Variants in TCF7L1 observed in about 807,000 individuals in gnomAD.
The protein encoded by TCF7L1 is transcription factor 7 like 1.
In TCF7L1, 18 loss-of-function variants were observed where a neutral mutation model predicts 63.7. That is an observed-to-expected ratio of 0.28 (90% CI 0.20 to 0.42). The LOEUF is 0.42. Among genes scored for constraint, TCF7L1 ranks in the 10% least tolerant of loss-of-function variants. The probability of loss-of-function intolerance (pLI) is 1.00; values close to 1 mark genes in which losing one functional copy is unlikely to be tolerated. For missense variants in TCF7L1, 654 were observed against 779.3 expected (o/e 0.84, Z 1.91); for synonymous variants, 355 against 340.9 (o/e 1.04, Z -0.46).
At chr2:85,289,124 C>T (rs367576207) in intron 4 of TCF7L1, among the ~76,000 whole-genome samples, 1 of 152,070 alleles carries the variant, frequency 6.6e-6, no homozygotes, top group Admixed American at 6.6e-5. Context: ...GTAATGCATG[C>T]ACTGTGTAGA....
chr2:85,275,543 A>G (rs1029541571), intron 3 of TCF7L1, among the ~76,000 whole-genome samples: 1 of 152,222 alleles, frequency 6.6e-6, no homozygotes, highest in Non-Finnish European at 1.5e-5. Flanking sequence ...CCCCTCTGCT[A>G]CCAGTGCATG....
intron 11 of TCF7L1, among the ~76,000 whole-genome samples, 198 bp from the exon 12 acceptor site, chr2:85,308,831 G>A (rs962586157): frequency 2.0e-5 from 3 of 152,118 alleles, no homozygotes; most frequent in Admixed American, 1.3e-4. Context: ...ATCTTCATCA[G>A]TTTGGGCGTT....
At chr2:85,212,908 G>A (rs1382030332) in intron 3 of TCF7L1, among the ~76,000 whole-genome samples, 4 of 152,110 alleles carry the variant, frequency 2.6e-5, no homozygotes, top group Non-Finnish European at 5.9e-5. Context: ...GTGTCATTAC[G>A]GGATTGGGAA....
chr2:85,159,223 T>G lies in TCF7L1; in HGVS notation c.441+24773T>G, dbSNP rs1349258610. Among the ~76,000 whole-genome samples, 3 of 152,084 alleles carry G rather than the reference T, an allele frequency of 2.0e-5. 1 individual carries two copies. The East Asian group carries it at 5.8e-4, about 29-fold the overall frequency. On this transcript the variant is annotated intron_variant, in intron 3 of 11. Coordinates refer to ENST00000282111, the MANE Select transcript of TCF7L1 (RefSeq NM_031283.3). ...CAGTGTCTGCGGCTTCTTCCCAGCC[T>G]TTTAGGCCTTTCCTAGGGTTTACAG...
intron 3 of TCF7L1, among the ~76,000 whole-genome samples, chr2:85,252,101 G>A (rs72840019): frequency 2.0e-5 from 3 of 152,040 alleles, no homozygotes; most frequent in Non-Finnish European, 2.9e-5. Context: ...CACTCCAGAT[G>A]CTTCTCTGCT....
chr2:85,291,741 A>C (rs937587719), intron 4 of TCF7L1, among the ~76,000 whole-genome samples: 2 of 151,878 alleles, frequency 1.3e-5, no homozygotes, highest in Non-Finnish European at 2.9e-5. Context: ...GAGAGACAGG[A>C]TCTCACTCTG....
At chr2:85,162,148 T>C (rs1314239819) in intron 3 of TCF7L1, among the ~76,000 whole-genome samples, 1 of 151,566 alleles carries the variant, frequency 6.6e-6, no homozygotes, top group African/African-American at 2.4e-5. Flanking sequence ...GGCAGGAGGG[T>C]TGCTTGAGCC....
chr2:85,133,835 C>G lies in TCF7L1; in HGVS notation c.151C>G (p.Pro51Ala). Residue 51 changes from proline to alanine, a missense_variant, in exon 1 of 12, where the codon CCG (proline) becomes GCG (alanine). By Grantham distance (27) the Pro-to-Ala change is conservative (BLOSUM62 -1). Around this residue, in one of 3 missense-constraint regions of TCF7L1, gnomAD observed 404 missense variants for 454.8 expected, o/e 0.89. Coordinates refer to ENST00000282111, the MANE Select transcript of TCF7L1 (RefSeq NM_031283.3). This position sits in a 1 kb window ranked among gnomAD's most constrained non-coding sequence, Gnocchi z 4.4. ...FQDEGGEEQE[P>A]SSDSASAQRD... ...GGACGAGGGGGGCGAGGAGCAGGAG[C>G]CGAGCAGCGATAGCGCCTCGGCGCA... 7 of 1,501,564 alleles carry G rather than the reference C, an allele frequency of 4.7e-6. No individual in the cohort carries two copies. Among genetic ancestry groups the G allele is most frequent in the Non-Finnish European group, 6.2e-6 (7 of 1,124,680 alleles). The allele number at this position is 1,501,564 out of a possible 1,614,324, so 93.0% of individuals were successfully genotyped here. A position where few individuals can be genotyped will look rare whatever the true frequency, so the allele number is the denominator to read the frequency against.
chr2:85,207,916 T>TG (rs1429359760), intron 3 of TCF7L1, among the ~76,000 whole-genome samples: 1 of 151,768 alleles, frequency 6.6e-6, no homozygotes, highest in Non-Finnish European at 1.5e-5. Flanking sequence ...GCATTTTTTT[T>TG]GGGGGGCGGG....
At chr2:85,280,271 ATGT>A (rs949995930) in intron 3 of TCF7L1, among the ~76,000 whole-genome samples, 3 of 152,152 alleles carry the variant, frequency 2.0e-5, no homozygotes, top group Non-Finnish European at 4.4e-5. Context: ...GAGGCCAAAG[ATGT>A]TGTTAAACTT....
chr2:85,197,438 A>G (rs1049546430), intron 3 of TCF7L1, among the ~76,000 whole-genome samples: 11 of 152,162 alleles, frequency 7.2e-5, no homozygotes, highest in African/African-American at 2.7e-4. Context: ...GGGTGGCACA[A>G]ATAGGCAGAA....
chr2:85,161,831 G>T (rs1326456478), intron 3 of TCF7L1, among the ~76,000 whole-genome samples: 1 of 152,172 alleles, frequency 6.6e-6, no homozygotes, highest in East Asian at 1.9e-4. Context: ...TGGAAGCAGG[G>T]CTGGGCGTGG....
chr2:85,178,055 G>A lies in TCF7L1; in HGVS notation c.441+43605G>A, dbSNP rs542427376. Among the ~76,000 whole-genome samples, 21 of 152,264 alleles carry A rather than the reference G, an allele frequency of 1.4e-4. No homozygotes were observed. In the South Asian group the frequency reaches 4.1e-3, roughly 30 times the overall value. ...AGCAGATCAGTGAAGACAGGAGCAG[G>A]GCCCCCGAGCCCTGAGAAAAAGCAG... On this transcript the variant is annotated intron_variant, in intron 3 of 11. Coordinates refer to ENST00000282111, the MANE Select transcript of TCF7L1 (RefSeq NM_031283.3).
chr2:85,244,399 G>C (rs1167379187), intron 3 of TCF7L1, among the ~76,000 whole-genome samples: 1 of 152,190 alleles, frequency 6.6e-6, no homozygotes, highest in Non-Finnish European at 1.5e-5. Context: ...ACAAGTTGTT[G>C]GGCCAGTGGG....
rs772409296 is a variant in TCF7L1, at chr2:85,307,721, C to T, written c.1333+4C>T. The T allele has an allele frequency of 7.4e-6, 12 of 1,612,516 alleles. No individual in the cohort carries two copies. The highest frequency in any genetic ancestry group is 5.5e-5 in the South Asian group (5 of 91,034). ...CAGCAAGTCCAGGAGGCAGAGGGTG[C>T]GTCTCGGGGCACTGGCCTCTTCTCC... On this transcript the variant is annotated splice_donor_region_variant and intron_variant, in intron 11 of 11. Transcript: ENST00000282111.
Position 85,306,115 on chromosome 2 carries a change from C to A in TCF7L1, c.990-91C>A. 6.5e-7 allele frequency: 1 copy of A among 1,544,056 alleles called. No homozygotes were observed. The highest frequency in any genetic ancestry group is 8.8e-7 in the Non-Finnish European group (1 of 1,130,656). ...CATCCAGGCAGCCCGCGCCCCTCCC[C>A]AGAGACAATCAGCGGTGTTTCAGTG... On this transcript the variant is annotated intron_variant, in intron 8 of 11. Coordinates refer to ENST00000282111, the MANE Select transcript of TCF7L1 (RefSeq NM_031283.3). This position sits in a 1 kb window ranked among gnomAD's most constrained non-coding sequence, Gnocchi z 4.3.
chr2:85,295,707 A>T (rs193032981), intron 4 of TCF7L1, among the ~76,000 whole-genome samples: 1 of 151,728 alleles, frequency 6.6e-6, no homozygotes, highest in Non-Finnish European at 1.5e-5. Flanking sequence ...TAGCTATATT[A>T]TCTAAGAACA....
At chr2:85,166,591 G>A (rs1455860803) in intron 3 of TCF7L1, among the ~76,000 whole-genome samples, 1 of 152,214 alleles carries the variant, frequency 6.6e-6, no homozygotes, top group Non-Finnish European at 1.5e-5. Flanking sequence ...CATGCACACT[G>A]GAACTGACTG....
At chr2:85,181,241 G>A (rs7594708) in intron 3 of TCF7L1, among the ~76,000 whole-genome samples, 8,790 of 152,294 alleles carry the variant, frequency 0.058, 336 homozygotes, top group African/African-American at 0.11. Flanking sequence ...AGTAGCCAGC[G>A]TGTGCATGTG....
Sources: gnomAD v4.1 joint callset for allele counts (sites outside exome capture counted in the v4.1 genomes callset) on GRCh38, gnomAD v4.1.1 for gene constraint, gnomAD v4.1.1 regional missense constraint, Gnocchi (gnomAD v3.1) non-coding constraint, MANE v1.5 for transcripts, NCBI Gene and HGNC (gene_info 2026-07-23, HGNC 2026-07-21) for gene names.